Variants in STARD13 observed in about 807,000 individuals in gnomAD.
STARD13 encodes StAR related lipid transfer domain containing 13.
STARD13 carries 62 observed loss-of-function variants against 106.4 expected under a neutral mutation model. The observed-to-expected ratio is 0.58, with a 90% CI of 0.48 to 0.72. STARD13 has a LOEUF of 0.72. Ranked by LOEUF, STARD13 falls within the 30% of genes least tolerant of loss-of-function variation. The pLI is 0.00. For synonymous variants in STARD13, 565 were observed against 553.0 expected, an observed-to-expected ratio of 1.02 and a Z score of -0.31; for missense variants, 1,387 against 1,424.0, an observed-to-expected ratio of 0.97 and a Z score of 0.42.
At chr13:33,384,215 A>C in the STARD13 span, among the ~76,000 whole-genome samples, 3 of 152,214 alleles carry the variant, frequency 2.0e-5, no homozygotes, top group Non-Finnish European at 2.9e-5. Context: ...TGAATCTAAC[A>C]ACCAATAATA....
At chr13:33,496,444 ATCCTCATGGTAAAAACT>A in the STARD13 span, among the ~76,000 whole-genome samples, 3 of 151,890 alleles carry the variant, frequency 2.0e-5, no homozygotes, top group Non-Finnish European at 4.4e-5. Context: ...TTTCCATAAT[ATCCTCATGGTAAAAACT>A]TCCTCATGGT....
At chr13:33,643,163 A>G in the STARD13 span, among the ~76,000 whole-genome samples, 3 of 112,940 alleles carry the variant, frequency 2.7e-5, no homozygotes, top group African/African-American at 1.9e-4. Flanking sequence ...GAACATGCAC[A>G]CACACACACA....
chr13:33,653,948 T>C, the STARD13 span, among the ~76,000 whole-genome samples: 1 of 152,136 alleles, frequency 6.6e-6, no homozygotes, highest in South Asian at 2.1e-4. Context: ...GCATTAATCA[T>C]TAAGGACATG....
intron 7 of STARD13, among the ~76,000 whole-genome samples, chr13:33,124,837 C>T (rs629745): frequency 0.3 from 45,365 of 152,114 alleles, 8,057 homozygotes; most frequent in Non-Finnish European, 0.41. Flanking sequence ...GAAAAGTAGC[C>T]TGTCACCCTT....
intron 1 of STARD13, among the ~76,000 whole-genome samples, chr13:33,261,010 T>A (rs1319398225): frequency 6.6e-6 from 1 of 152,248 alleles, no homozygotes; most frequent in Admixed American, 6.5e-5. Flanking sequence ...GGGCAATAAC[T>A]ATGATCTAGT....
At chr13:33,654,735 T>G in the STARD13 span, 1 of 152,258 alleles carries the variant, frequency 6.6e-6, no homozygotes. Context: ...GCAGAAGCTG[T>G]TAGGTTAGTT....
chr13:33,105,738 T>C (rs756383906), intron 13 of STARD13, 28 bp from the exon 14 acceptor site: 1 of 1,573,800 alleles, frequency 6.4e-7, no homozygotes, highest in Admixed American at 1.7e-5. Flanking sequence ...AGAAAGGAAG[T>C]GGGAAAGTTT....
chr13:33,162,710 C>A (rs1464324508), intron 3 of STARD13, among the ~76,000 whole-genome samples: 1 of 152,166 alleles, frequency 6.6e-6, no homozygotes, highest in Admixed American at 6.5e-5. Context: ...TCATGTCCAT[C>A]TGAGACAACC....
Position 33,163,601 on chromosome 13 carries a change from AAAAAAT to A in STARD13, c.323+1730_323+1735del, listed in dbSNP as rs1413188532. ...CAAGACTCTGTCTCAAAAAAAAAAA[AAAAAAT>A]ATATATATATATATATAAAACATAT... On this transcript the variant is annotated intron_variant, in intron 3 of 13. Coordinates refer to ENST00000336934, the MANE Select transcript of STARD13 (RefSeq NM_178006.4). Among the ~76,000 whole-genome samples, 28 of 130,674 alleles carry A rather than the reference AAAAAAT, an allele frequency of 2.1e-4. 2 individuals are homozygous for A. The highest frequency in any genetic ancestry group is 8.1e-4 in the African/African-American group (26 of 31,932). 85.7% of individuals were successfully genotyped at this position (130,674 alleles called of 152,430 possible).
chr13:33,271,169 G>T (rs1294042963), intron 1 of STARD13, among the ~76,000 whole-genome samples: 1 of 152,144 alleles, frequency 6.6e-6, no homozygotes, highest in African/African-American at 2.4e-5. Flanking sequence ...TGGTCTACGG[G>T]CCTCAGCTAT....
chr13:33,359,352 C>T, the STARD13 span: 83 of 163,878 alleles, frequency 5.1e-4, no homozygotes, highest in African/African-American at 1.8e-3. Context: ...TCTGCAGCTT[C>T]ACTTCTGAAC....
the STARD13 span, among the ~76,000 whole-genome samples, chr13:33,387,514 C>T: frequency 6.6e-6 from 1 of 152,170 alleles, no homozygotes; most frequent in African/African-American, 2.4e-5. Context: ...CTCCCCTGTA[C>T]TGCCCAGTCT....
intron 1 of STARD13, among the ~76,000 whole-genome samples, chr13:33,249,487 C>A (rs376062431): frequency 3.3e-5 from 5 of 152,142 alleles, no homozygotes; most frequent in East Asian, 1.9e-4. Flanking sequence ...TGAATGATTT[C>A]TTTTCTCAAG....
At chr13:33,668,673 G>A in the STARD13 span, among the ~76,000 whole-genome samples, 1 of 152,136 alleles carries the variant, frequency 6.6e-6, no homozygotes, top group South Asian at 2.1e-4. Context: ...AGTGAAAGAT[G>A]ATGCTCACCG....
chr13:33,205,930 G>C, intron 1 of STARD13: 1 of 983,320 alleles, frequency 1.0e-6, no homozygotes, highest in Non-Finnish European at 1.2e-6. Flanking sequence ...GACAGATGGT[G>C]CATCTGTCAC....
chr13:33,485,270 C>T, the STARD13 span, among the ~76,000 whole-genome samples: 1 of 152,082 alleles, frequency 6.6e-6, no homozygotes, highest in East Asian at 1.9e-4. Context: ...TTTTTAATTA[C>T]CGAAGTGAAA....
rs541038651 is a variant in STARD13 at position 33,342,864 on chromosome 13, T to G, written c.124+7426A>C. 3.3e-5 allele frequency among the ~76,000 whole-genome samples: 5 copies of G among 152,366 alleles called. No individual in the cohort carries two copies. The South Asian group carries it at 1.0e-3, about 32-fold the overall frequency. On this transcript the variant is annotated intron_variant, in intron 1 of 5. Transcript: ENST00000567873. The stretch of plus-strand genomic sequence containing the variant: ...TTAGTACGTGCGTATGTACTAATAG[T>G]ACTTGCATATGGACATATTTATGTC...
the STARD13 span, among the ~76,000 whole-genome samples, chr13:33,449,948 G>A: frequency 1.3e-5 from 2 of 152,044 alleles, no homozygotes; most frequent in Admixed American, 1.3e-4. Flanking sequence ...TTGCAACTTT[G>A]CTTAATTTAT....
At chr13:33,234,648 G>A (rs1013767459) in intron 1 of STARD13, among the ~76,000 whole-genome samples, 1 of 152,134 alleles carries the variant, frequency 6.6e-6, no homozygotes, top group Admixed American at 6.5e-5. Context: ...TGTGATTTTA[G>A]CATTCTGCCT....
Sources: allele counts gnomAD v4.1 joint callset (sites outside exome capture counted in the v4.1 genomes callset), GRCh38; gene constraint gnomAD v4.1.1; transcripts MANE v1.5; gene names NCBI Gene and HGNC (gene_info 2026-07-23, HGNC 2026-07-21).